CASD1: variants seen among roughly 807,000 people sequenced by gnomAD.
CASD1 encodes N-acetylneuraminate (7)9-O-acetyltransferase.
Under a neutral mutation model 100.0 loss-of-function variants are expected in CASD1, and 41 were observed. The ratio of observed to expected loss-of-function variants is 0.41; its 90% CI spans 0.32 to 0.53. The LOEUF (loss-of-function observed/expected upper bound fraction) is 0.53, where lower values mean the gene tolerates loss of function less well. CASD1 is among the 20% of genes least tolerant of loss of function. CASD1 has a pLI of 0.25. For missense variants in CASD1, 774 were observed against 948.7 expected (o/e 0.82, Z 2.42); for synonymous variants, 321 against 315.6 (o/e 1.02, Z -0.18).
chr7:94,633,534 AG>A, the CASD1 span, among the ~76,000 whole-genome samples: 2 of 152,092 alleles, frequency 1.3e-5, no homozygotes, highest in African/African-American at 2.4e-5. Flanking sequence ...TTTCATTCAC[AG>A]GGTATAGAAT....
At chr7:94,590,327 A>T in the CASD1 span, among the ~76,000 whole-genome samples, 1 of 152,184 alleles carries the variant, frequency 6.6e-6, no homozygotes, top group Non-Finnish European at 1.5e-5. Context: ...CTCTCTAAGC[A>T]ACCCACAAAT....
chr7:94,538,254 A>G (rs1368653187), intron 9 of CASD1, among the ~76,000 whole-genome samples: 7 of 152,198 alleles, frequency 4.6e-5, no homozygotes, highest in African/African-American at 1.7e-4. Context: ...GTAAAAGAAT[A>G]TAATTAACAA....
downstream of CASD1, among the ~76,000 whole-genome samples, chr7:94,561,655 A>C (rs1796341824): frequency 6.6e-6 from 1 of 152,182 alleles, no homozygotes; most frequent in Middle Eastern, 3.4e-3. Context: ...TTCTCTCAGA[A>C]ACTACTGATT....
At chr7:94,560,622 A>G (rs187958610), downstream of CASD1, among the ~76,000 whole-genome samples, 33 of 152,342 alleles carry the variant, frequency 2.2e-4, no homozygotes, top group Admixed American at 1.1e-3. Flanking sequence ...AATGGATGCA[A>G]GAATATATAG....
chr7:94,521,561 C>T (rs189454365), intron 3 of CASD1, among the ~76,000 whole-genome samples: 80 of 151,070 alleles, frequency 5.3e-4, no homozygotes, highest in African/African-American at 1.8e-3. Flanking sequence ...GAATAAGGAC[C>T]GAAAGAATTG....
chr7:94,580,514 C>T, the CASD1 span, among the ~76,000 whole-genome samples: 3 of 152,162 alleles, frequency 2.0e-5, no homozygotes, highest in African/African-American at 4.8e-5. Flanking sequence ...TTTCTAATTA[C>T]TCAAGTAAGA....
chr7:94,518,005 T>C (rs936166038), intron 2 of CASD1, among the ~76,000 whole-genome samples, 198 bp from the exon 3 acceptor site: 1 of 152,222 alleles, frequency 6.6e-6, no homozygotes, highest in Non-Finnish European at 1.5e-5. Flanking sequence ...AAACATGTAA[T>C]GTATCGAGCT....
rs1018781668 is a variant in CASD1 at position 94,544,512 on chromosome 7, A to G, written c.1458A>G (p.Gly486=). The part of the protein sequence containing the change: ...FSYFWIKGDF[G]IYRVCQVLFR... ...ACTTTTGGATAAAAGGAGATTTTGG[A>G]ATCTATAGAGTATGTCAGGTAGGAA... The change falls in exon 11 of 18, where the codon GGA becomes GGG. Residue 486 remains glycine (G), a synonymous_variant. Transcript: ENST00000297273. 2 of 1,612,960 alleles carry G rather than the reference A, an allele frequency of 1.2e-6. No individual in the cohort carries two copies. The highest frequency in any genetic ancestry group is 1.7e-6 in the Non-Finnish European group (2 of 1,179,360).
At chr7:94,573,091 T>A in the CASD1 span, among the ~76,000 whole-genome samples, 1 of 152,220 alleles carries the variant, frequency 6.6e-6, no homozygotes, top group Non-Finnish European at 1.5e-5. Flanking sequence ...TGTTCCTGTT[T>A]TTGTACCAGC....
chr7:94,565,439 T>C, the CASD1 span, among the ~76,000 whole-genome samples: 1 of 152,164 alleles, frequency 6.6e-6, no homozygotes, highest in Non-Finnish European at 1.5e-5. Context: ...GTCCTGTGGC[T>C]GTAAAACTTA....
rs754639204 is a variant in CASD1, at chr7:94,518,187, T to C, written c.231-16T>C. 9.4e-6 allele frequency: 14 copies of C among 1,481,648 alleles called. No homozygotes were observed. In the South Asian group the frequency reaches 1.5e-4, roughly 16 times the overall value. The allele number at this position is 1,481,648 out of a possible 1,614,324, so 91.8% of individuals were successfully genotyped here. A position where few individuals can be genotyped will look rare whatever the true frequency, so the allele number is the denominator to read the frequency against. ...GATTTTACTTATTTTAATTAATTTT[T>C]CTTTGTTGCTTTCAGTGAAGCAAAG... is the stretch of plus-strand genomic sequence containing the variant. On this transcript the variant is annotated splice_polypyrimidine_tract_variant and intron_variant, in intron 2 of 17. Transcript: ENST00000297273.
At chr7:94,564,363 A>G in the CASD1 span, among the ~76,000 whole-genome samples, 1 of 152,166 alleles carries the variant, frequency 6.6e-6, no homozygotes, top group Non-Finnish European at 1.5e-5. Context: ...AGGGACCACT[A>G]TCCCTGCATT....
At chr7:94,627,938 T>C in the CASD1 span, 1 of 401,110 alleles carries the variant, frequency 2.5e-6, no homozygotes, top group East Asian at 4.4e-5. Flanking sequence ...ATAGAATTCA[T>C]ATTATAATAA....
the CASD1 span, among the ~76,000 whole-genome samples, chr7:94,604,705 G>A: frequency 6.7e-6 from 1 of 149,960 alleles, no homozygotes; most frequent in South Asian, 2.1e-4. Context: ...ACCTAAGAAG[G>A]CAAATGAGAA....
chr7:94,592,490 A>G, the CASD1 span, among the ~76,000 whole-genome samples: 1 of 152,184 alleles, frequency 6.6e-6, no homozygotes, highest in African/African-American at 2.4e-5. Flanking sequence ...TTATGTGTAA[A>G]CTGCATTATG....
At chr7:94,588,393 G>C in the CASD1 span, 1 of 1,174,252 alleles carries the variant, frequency 8.5e-7, no homozygotes. Context: ...TCATACCAAG[G>C]GGAAGAATAG....
chr7:94,578,456 G>T, the CASD1 span, among the ~76,000 whole-genome samples: 1 of 152,148 alleles, frequency 6.6e-6, no homozygotes, highest in Non-Finnish European at 1.5e-5. Flanking sequence ...ACTGCCTGTA[G>T]TATATAAATA....
chr7:94,541,537 GTTTTTTTTTTTTTT>G (rs56786123), intron 10 of CASD1, among the ~76,000 whole-genome samples: 10 of 60,086 alleles, frequency 1.7e-4, no homozygotes, highest in African/African-American at 6.7e-4. Flanking sequence ...TGTTCCACTG[GTTTTTTTTTTTTTT>G]TTTTTTTTTT....
At chr7:94,539,395 G>T (rs1370260295) in intron 10 of CASD1, among the ~76,000 whole-genome samples, 1 of 152,168 alleles carries the variant, frequency 6.6e-6, no homozygotes, top group Non-Finnish European at 1.5e-5. Flanking sequence ...GAGGCCAGGT[G>T]TAGTGGCTCA....
Sources: allele counts gnomAD v4.1 joint callset (sites outside exome capture counted in the v4.1 genomes callset), GRCh38; gene constraint gnomAD v4.1.1; transcripts MANE v1.5; gene names NCBI Gene and HGNC (gene_info 2026-07-23, HGNC 2026-07-21).